Variants in KTN1 observed in about 807,000 individuals in gnomAD.
KTN1 encodes the protein kinectin 1.
Under a neutral mutation model 222.5 loss-of-function variants are expected in KTN1, and 130 were observed. The ratio of observed to expected loss-of-function variants is 0.58; its 90% CI spans 0.51 to 0.68. The LOEUF (loss-of-function observed/expected upper bound fraction) is 0.68. Ranked by LOEUF, KTN1 falls within the 30% of genes least tolerant of loss-of-function variation. The probability of loss-of-function intolerance (pLI) is 0.00; values close to 1 mark genes in which losing one functional copy is unlikely to be tolerated. For missense variants in KTN1, 1,508 were observed against 1,500.4 expected, an observed-to-expected ratio of 1.01 and a Z score of -0.08; for synonymous variants, 512 against 496.3, an observed-to-expected ratio of 1.03 and a Z score of -0.42.
At chr14:55,593,958 A>T (rs550305115) in intron 1 of KTN1, among the ~76,000 whole-genome samples, 2 of 152,006 alleles carry the variant, frequency 1.3e-5, no homozygotes, top group Non-Finnish European at 2.9e-5. Flanking sequence ...TGAACTATCC[A>T]GCCATCTTCC....
At chr14:55,655,626 C>T (rs1410608327) in intron 28 of KTN1, among the ~76,000 whole-genome samples, 1 of 152,086 alleles carries the variant, frequency 6.6e-6, no homozygotes, top group Non-Finnish European at 1.5e-5. Flanking sequence ...TTTACGTCAG[C>T]ATTGGGTAAG....
intron 10 of KTN1, 136 bp downstream of exon 10, chr14:55,636,672 A>G (rs562240487): frequency 1.7e-6 from 1 of 601,494 alleles, no homozygotes; most frequent in South Asian, 2.4e-5. Flanking sequence ...CTTTCAGAAT[A>G]TCTTTCTTTC....
chr14:55,641,914 GA>G (rs1220692279), intron 18 of KTN1, among the ~76,000 whole-genome samples, 154 bp downstream of exon 18: 1 of 152,070 alleles, frequency 6.6e-6, no homozygotes, highest in Non-Finnish European at 1.5e-5. Flanking sequence ...CTAAATTCAG[GA>G]AATTTTTTCT....
At position 55,628,009 on chromosome 14, in the gene KTN1, G is replaced by A. The variant is rs766177694; in HGVS notation, c.1061G>A (p.Arg354Gln). The change falls in exon 6 of 44, where the codon CGG becomes CAG. Residue 354 changes from arginine (R) to glutamine (Q), a missense_variant. Transcript: ENST00000395314. ...GAAGATGCTGCTGCTACAAAGGATC[G>A]GTGTAAGCAGTTAACCCAGGTGAAG... ...VKEDAAATKD[R>Q]CKQLTQEMMT... The A allele has an allele frequency of 2.5e-5, 40 of 1,611,168 alleles. No homozygotes were observed. Among genetic ancestry groups the A allele is most frequent in the South Asian group, 1.3e-4 (12 of 91,018 alleles).
intron 14 of KTN1, 77 bp downstream of exon 14, chr14:55,640,080 AGTGT>A: frequency 1.2e-6 from 1 of 866,084 alleles, no homozygotes; most frequent in Admixed American, 2.2e-5. Flanking sequence ...ATAATCAGTA[AGTGT>A]ATATGAAAAA....
intron 9 of KTN1, among the ~76,000 whole-genome samples, chr14:55,636,094 G>A (rs147007483): frequency 6.6e-6 from 1 of 152,160 alleles, no homozygotes; most frequent in East Asian, 1.9e-4. Context: ...ACACCATCCT[G>A]TCCTTCGGAA....
In KTN1 at chr14:55,627,863, T is replaced by G. The variant is rs537555437; in HGVS notation, c.964-49T>G. 3 of 1,059,218 alleles carry G rather than the reference T, an allele frequency of 2.8e-6. No individual in the cohort carries two copies. The Admixed American group carries it at 5.2e-5, about 18-fold the overall frequency. The allele number at this position is 1,059,218 out of a possible 1,614,324, so 65.6% of individuals were successfully genotyped here. A position where few individuals can be genotyped will look rare whatever the true frequency, so the allele number is the denominator to read the frequency against. On this transcript the variant is annotated intron_variant, in intron 5 of 43. Transcript: ENST00000395314. ...CCACATTTCATTTTCATAATTTTTA[T>G]TAGCCCATGGTAACTATTACTAATT...
chr14:55,634,523 C>A lies in KTN1; in HGVS notation c.1329-3C>A. On this transcript the variant is annotated splice_region_variant and splice_polypyrimidine_tract_variant and intron_variant, in intron 8 of 43. Coordinates refer to ENST00000395314, the MANE Select transcript of KTN1 (RefSeq NM_001079521.2). The stretch of plus-strand genomic sequence containing the variant: ...AGGCTCCTAATCCAGTTACTGTTTT[C>A]AGGCAGTCTGCAGAACTAAATAAAC... The A allele has an allele frequency of 6.2e-7, 1 of 1,602,142 alleles. No homozygotes were observed. The highest frequency in any genetic ancestry group is 1.1e-5 in the South Asian group (1 of 88,460).
At chr14:55,616,759 G>A in intron 3 of KTN1, 105 bp downstream of exon 3, 1 of 891,008 alleles carries the variant, frequency 1.1e-6, no homozygotes, top group South Asian at 1.9e-5. Flanking sequence ...TTTAATGTGT[G>A]CTAATGACAA....
chr14:55,652,676 G>A (rs2043061909), intron 25 of KTN1, among the ~76,000 whole-genome samples, 174 bp from the exon 26 acceptor site: 2 of 152,198 alleles, frequency 1.3e-5, no homozygotes, highest in African/African-American at 2.4e-5. Flanking sequence ...TGGGATTACA[G>A]GCGTGAGCCA....
intron 5 of KTN1, among the ~76,000 whole-genome samples, chr14:55,620,355 C>T (rs947151677): frequency 7.2e-5 from 11 of 152,152 alleles, no homozygotes; most frequent in African/African-American, 2.4e-4. Context: ...GATGGTGGCC[C>T]TCTTCTCACA....
intron 13 of KTN1, among the ~76,000 whole-genome samples, chr14:55,639,655 G>T (rs1375458994): frequency 6.6e-6 from 1 of 151,620 alleles, no homozygotes; most frequent in African/African-American, 2.4e-5. Flanking sequence ...ACTTGAGTTC[G>T]GAAGATCTGA....
rs114095603 is a variant in KTN1, at chr14:55,640,948, G to C, written c.1999G>C (p.Glu667Gln). 3,587 of 1,612,012 alleles carry C rather than the reference G, an allele frequency of 2.2e-3. 47 individuals carry two copies. Among genetic ancestry groups the C allele is most frequent in the South Asian group, 0.018 (1,643 of 90,928 alleles). ...LANEQAAAAH[E>Q]LEKMQQSVYV... ...CCACACACAGGCTGCTGCTGCACATGAATTGGAGAAGATGCAACAAAGGTG... is the reference window on the plus strand; with the variant it reads ...CCACACACAGGCTGCTGCTGCACATCAATTGGAGAAGATGCAACAAAGGTG... The change falls in exon 16 of 44, where the codon GAA (glutamate) becomes CAA (glutamine). Residue 667 changes from glutamate to glutamine, a missense_variant. By Grantham distance (29) the Glu-to-Gln change is conservative. Coordinates refer to ENST00000395314, the MANE Select transcript of KTN1 (RefSeq NM_001079521.2).
chr14:55,679,391 C>G, intron 42 of KTN1, 174 bp from the exon 43 acceptor site: 2 of 539,674 alleles, frequency 3.7e-6, no homozygotes, highest in Admixed American at 3.9e-5. Context: ...GTTTGCACCA[C>G]TAGTTAGCAA....
chr14:55,637,183 A>G lies in KTN1; in HGVS notation c.1550-15A>G, dbSNP rs774945282. 1.9e-6 allele frequency: 3 copies of G among 1,564,678 alleles called. No individual in the cohort carries two copies. The highest frequency in any genetic ancestry group is 2.6e-6 in the Non-Finnish European group (3 of 1,147,218). The stretch of plus-strand genomic sequence containing the variant: ...AAAGAAAGAGACCTCTGTAAAATGT[A>G]ATGTTTTATTACAGATTTACAGAGT... On this transcript the variant is annotated splice_polypyrimidine_tract_variant and intron_variant, in intron 10 of 43. Transcript: ENST00000395314.
rs184612013 is a variant in KTN1, at chr14:55,646,998, T to C, written c.2198T>C (p.Met733Thr). 3 of 1,530,414 alleles carry C rather than the reference T, an allele frequency of 2.0e-6. No individual in the cohort carries two copies. Among genetic ancestry groups the C allele is most frequent in the African/African-American group, 1.4e-5 (1 of 73,258 alleles). The allele number at this position is 1,530,414 out of a possible 1,614,324, so 94.8% of individuals were successfully genotyped here. A position where few individuals can be genotyped will look rare whatever the true frequency, so the allele number is the denominator to read the frequency against. The change falls in exon 19 of 44, where the codon ATG becomes ACG. Residue 733 changes from methionine (M) to threonine (T), a missense_variant. Transcript: ENST00000395314. ...CCTAATAAGGATGTTGTGGAACAAA[T>C]GGAAAAATGGTAAGAGTTTAGTTTT... Reference protein sequence around the residue: ...EQPNKDVVEQMEKCIQEKDEK... With the variant: ...EQPNKDVVEQTEKCIQEKDEK...
In KTN1 at chr14:55,612,068, C is replaced by A. The variant is rs2037660248; in HGVS notation, c.20C>A (p.Ala7Glu). The A allele has an allele frequency of 1.3e-6, 2 of 1,484,800 alleles. No individual in the cohort carries two copies. The highest frequency in any genetic ancestry group is 2.6e-5 in the Admixed American group (1 of 38,560). 92.0% of individuals were successfully genotyped at this position (1,484,800 alleles called of 1,614,324 possible). The change falls in exon 2 of 44, where the codon GCA becomes GAA. Residue 7 changes from alanine (A) to glutamate (E), a missense_variant. Coordinates refer to ENST00000395314, the MANE Select transcript of KTN1 (RefSeq NM_001079521.2). MEFYES[A>E]YFIVLIPSIV... ...AGTACCATGGAGTTTTATGAGTCAG[C>A]ATATTTTATTGTTCTTATTCCTTCA...
At position 55,641,660 on chromosome 14, in the gene KTN1, A is replaced by G. The variant is rs548048056; in HGVS notation, c.2104-32A>G. ...GATTGCTTTATTACCTTTTTTCTTA[A>G]TAAAACAGTAAATTGAGACTCTTTC... On this transcript the variant is annotated intron_variant, in intron 17 of 43. Coordinates refer to ENST00000395314, the MANE Select transcript of KTN1 (RefSeq NM_001079521.2). 2.9e-6 allele frequency: 4 copies of G among 1,361,940 alleles called. No homozygotes were observed. The East Asian group carries it at 6.9e-5, about 23-fold the overall frequency. The allele number at this position is 1,361,940 out of a possible 1,614,324, so 84.4% of individuals were successfully genotyped here. A position where few individuals can be genotyped will look rare whatever the true frequency, so the allele number is the denominator to read the frequency against.
intron 24 of KTN1, chr14:55,651,637 A>G: frequency 2.2e-6 from 1 of 454,980 alleles, no homozygotes; most frequent in Non-Finnish European, 4.0e-6. Flanking sequence ...AGCCTAAAGA[A>G]AAAAAGCATC....
Sources: gnomAD v4.1 joint callset for allele counts (sites outside exome capture counted in the v4.1 genomes callset) on GRCh38, gnomAD v4.1.1 for gene constraint, MANE v1.5 for transcripts, NCBI Gene and HGNC (gene_info 2026-07-23, HGNC 2026-07-21) for gene names.